Variants in PPM1L observed in about 807,000 individuals in gnomAD.
PPM1L encodes protein phosphatase 1L.
In PPM1L, 13 loss-of-function variants were observed where a neutral mutation model predicts 31.4. The observed-to-expected ratio is 0.41, with a 90% confidence interval of 0.27 to 0.66. PPM1L has a LOEUF of 0.66. PPM1L is among the 30% of genes least tolerant of loss of function. PPM1L has a pLI of 0.29. For synonymous variants in PPM1L, 184 were observed against 175.4 expected (o/e 1.05, Z -0.39); for missense variants, 326 against 453.7 (o/e 0.72, Z 2.56).
chr3:160,995,062 A>C (rs1010949460), intron 2 of PPM1L, among the ~76,000 whole-genome samples: 1 of 152,198 alleles, frequency 6.6e-6, no homozygotes, highest in African/African-American at 2.4e-5. Context: ...CGTTATTAAA[A>C]GGTGGTGTAA....
At chr3:161,047,923 T>C (rs544303339) in intron 2 of PPM1L, among the ~76,000 whole-genome samples, 2 of 152,300 alleles carry the variant, frequency 1.3e-5, no homozygotes, top group East Asian at 1.9e-4. Flanking sequence ...TTACACCTTA[T>C]ACAAAAATTA....
intron 1 of PPM1L, among the ~76,000 whole-genome samples, chr3:160,800,486 A>T (rs1234514914): frequency 6.6e-6 from 1 of 152,134 alleles, no homozygotes; most frequent in African/African-American, 2.4e-5. Flanking sequence ...AGATTTTCTT[A>T]GTAACCTAAA....
At chr3:161,051,119 A>G (rs550189642) in intron 2 of PPM1L, among the ~76,000 whole-genome samples, 1 of 152,214 alleles carries the variant, frequency 6.6e-6, no homozygotes, top group South Asian at 2.1e-4. Context: ...ACCACCCGCC[A>G]TCTCCTCAGA....
intron 2 of PPM1L, among the ~76,000 whole-genome samples, chr3:161,050,839 A>G (rs996432172): frequency 6.6e-6 from 1 of 152,222 alleles, no homozygotes; most frequent in Non-Finnish European, 1.5e-5. Context: ...AGCTCAGTTC[A>G]AATCTCTGAT....
At chr3:160,815,477 G>T (rs143215762) in intron 1 of PPM1L, among the ~76,000 whole-genome samples, 2 of 152,078 alleles carry the variant, frequency 1.3e-5, no homozygotes, top group Non-Finnish European at 1.5e-5. Flanking sequence ...GTACAGGGGA[G>T]GGGGAGGGTG....
intron 2 of PPM1L, among the ~76,000 whole-genome samples, chr3:161,050,281 CA>C (rs1719230618): frequency 6.6e-6 from 1 of 152,086 alleles, no homozygotes; most frequent in Admixed American, 6.5e-5. Flanking sequence ...AAACAACTAT[CA>C]AAAAGACCAG....
chr3:160,925,873 T>C (rs1576718699), intron 1 of PPM1L, among the ~76,000 whole-genome samples: 1 of 152,310 alleles, frequency 6.6e-6, no homozygotes, highest in East Asian at 1.9e-4. Context: ...TGCACTCTTA[T>C]AGGGTGCTGA....
At chr3:160,855,571 A>G (rs1159202507) in intron 1 of PPM1L, among the ~76,000 whole-genome samples, 4 of 152,246 alleles carry the variant, frequency 2.6e-5, no homozygotes, top group Non-Finnish European at 5.9e-5. Context: ...GCATGAATAG[A>G]CACGTTTCAA....
At chr3:160,888,008 T>C (rs1712984383) in intron 1 of PPM1L, among the ~76,000 whole-genome samples, 1 of 152,170 alleles carries the variant, frequency 6.6e-6, no homozygotes, top group South Asian at 2.1e-4. Flanking sequence ...TCACTAGGCC[T>C]GCCTTGCAAG....
intron 1 of PPM1L, among the ~76,000 whole-genome samples, chr3:160,832,744 C>T (rs989383204): frequency 6.6e-6 from 1 of 151,804 alleles, no homozygotes; most frequent in African/African-American, 2.4e-5. Flanking sequence ...TACTTTTTAC[C>T]AGTATTTTAT....
At chr3:161,043,288 C>T (rs1271720247) in intron 2 of PPM1L, among the ~76,000 whole-genome samples, 2 of 152,036 alleles carry the variant, frequency 1.3e-5, no homozygotes, top group African/African-American at 2.4e-5. Flanking sequence ...TTAAAAGATG[C>T]CTCCTGCCAT....
In PPM1L at chr3:161,068,718, G is replaced by T; in HGVS notation, c.737-93G>T. 3.9e-6 allele frequency: 4 copies of T among 1,030,606 alleles called. No individual in the cohort carries two copies. The South Asian group carries it at 6.5e-5, about 17-fold the overall frequency. The allele number at this position is 1,030,606 out of a possible 1,614,324, so 63.8% of individuals were successfully genotyped here. A position where few individuals can be genotyped will look rare whatever the true frequency, so the allele number is the denominator to read the frequency against. On this transcript the variant is annotated intron_variant, in intron 3 of 3. Transcript: ENST00000498165. The stretch of plus-strand genomic sequence containing the variant: ...GGAGTGCCCACAGCCCAGTTCACAT[G>T]AAGTAGGTCACCCTGTTGCGCACGT...
chr3:160,919,797 G>A (rs1249238906), intron 1 of PPM1L, among the ~76,000 whole-genome samples: 1 of 152,148 alleles, frequency 6.6e-6, no homozygotes, highest in Admixed American at 6.5e-5. Flanking sequence ...TTTGCATTAG[G>A]AAGTTAATAA....
At chr3:160,991,614 G>C (rs535105191) in intron 2 of PPM1L, among the ~76,000 whole-genome samples, 1 of 152,152 alleles carries the variant, frequency 6.6e-6, no homozygotes, top group East Asian at 1.9e-4. Context: ...GTTACTATAA[G>C]TCTATTACAG....
chr3:160,876,578 T>G (rs1712520102), intron 1 of PPM1L, among the ~76,000 whole-genome samples: 1 of 152,250 alleles, frequency 6.6e-6, no homozygotes, highest in Admixed American at 6.5e-5. Context: ...CTCCTGTTAC[T>G]GCAGACACTG....
chr3:160,756,858 A>G lies in PPM1L; in HGVS notation c.399+151A>G, dbSNP rs1398104156. The G allele has an allele frequency of 3.4e-6, 3 of 875,328 alleles. No homozygotes were observed. Among genetic ancestry groups the G allele is most frequent in the South Asian group, 1.8e-5 (1 of 56,260 alleles). 54.2% of individuals were successfully genotyped at this position (875,328 alleles called of 1,614,324 possible). A position where few individuals can be genotyped will look rare whatever the true frequency, so the allele number is the denominator to read the frequency against. ...GTGCGAGGGGCGTGGTGATGACACC[A>G]CGGTGCCTGGCTGGACAAATGCGGC... is the stretch of plus-strand genomic sequence containing the variant. On this transcript the variant is annotated intron_variant, in intron 1 of 3. Coordinates refer to ENST00000498165, the MANE Select transcript of PPM1L (RefSeq NM_139245.4). The surrounding 1 kb of genome is among the most constrained non-coding windows in gnomAD (Gnocchi z 6.2).
intron 2 of PPM1L, among the ~76,000 whole-genome samples, chr3:161,063,856 C>A (rs1274959177): frequency 6.6e-6 from 1 of 152,180 alleles, no homozygotes; most frequent in African/African-American, 2.4e-5. Flanking sequence ...AGGATGAATT[C>A]ATGTCCTTTG....
chr3:160,877,678 A>C (rs1712564425), intron 1 of PPM1L, among the ~76,000 whole-genome samples: 1 of 152,198 alleles, frequency 6.6e-6, no homozygotes, highest in Non-Finnish European at 1.5e-5. Context: ...TCCGGTCCAA[A>C]GTGAAGTACA....
rs1466725180 is a variant in PPM1L, at chr3:161,078,729, T to TG, written c.*9573dup. The TG allele has an allele frequency of 6.6e-6, 1 of 152,208 alleles. No homozygotes were observed. The highest frequency in any genetic ancestry group is 1.5e-5 in the Non-Finnish European group (1 of 68,044). The allele number at this position is 152,208 out of a possible 1,614,324, so 9.4% of individuals were successfully genotyped here. ...TATGGCAGTGCACGGTCACTCAAGA[T>TG]GCATGGCGTGTCATTTGGGTCGCTT... On this transcript the variant is annotated 3_prime_UTR_variant, in exon 4 of 4. Coordinates refer to ENST00000498165, the MANE Select transcript of PPM1L (RefSeq NM_139245.4).
Sources: gnomAD v4.1 joint callset for allele counts (sites outside exome capture counted in the v4.1 genomes callset) on GRCh38, gnomAD v4.1.1 for gene constraint, Gnocchi (gnomAD v3.1) non-coding constraint, MANE v1.5 for transcripts, NCBI Gene and HGNC (gene_info 2026-07-23, HGNC 2026-07-21) for gene names.